PTH2R: variants seen among roughly 807,000 people sequenced by gnomAD.
PTH2R encodes parathyroid hormone 2 receptor.
In PTH2R, 59 loss-of-function variants were observed where a neutral mutation model predicts 60.3. The observed-to-expected ratio is 0.98, with a 90% confidence interval of 0.79 to 1.22. PTH2R has a LOEUF of 1.22. Ranked by LOEUF, PTH2R falls within the 50% of genes most tolerant of loss-of-function variation. The pLI is 0.00. For missense variants in PTH2R, 749 were observed against 682.6 expected (o/e 1.10, Z -1.08); for synonymous variants, 256 against 243.8 (o/e 1.05, Z -0.47).
At chr2:208,390,055 C>T (rs530387742) in intron 1 of PTH2R, among the ~76,000 whole-genome samples, 2 of 152,222 alleles carry the variant, frequency 1.3e-5, no homozygotes, top group South Asian at 2.1e-4. Flanking sequence ...CCAGGAGAGG[C>T]GATTCTGAAA....
At chr2:208,457,248 T>C (rs923391473) in intron 8 of PTH2R, among the ~76,000 whole-genome samples, 7 of 152,254 alleles carry the variant, frequency 4.6e-5, no homozygotes, top group Non-Finnish European at 8.8e-5. Flanking sequence ...CATAACTCAG[T>C]AACATTGTCT....
At chr2:208,482,467 T>C (rs1433800773) in intron 10 of PTH2R, among the ~76,000 whole-genome samples, 2 of 151,914 alleles carry the variant, frequency 1.3e-5, no homozygotes, top group African/African-American at 2.4e-5. Flanking sequence ...GATGGTCACA[T>C]GGGGATGAAG....
At chr2:208,388,139 C>CCCG (rs1553541026) in intron 1 of PTH2R, among the ~76,000 whole-genome samples, 6 of 149,444 alleles carry the variant, frequency 4.0e-5, no homozygotes, top group South Asian at 2.2e-4. Flanking sequence ...GAAACCCCCC[C>CCCG]CCCCGTCTCT....
At chr2:208,397,413 C>A (rs1275357435) in intron 1 of PTH2R, among the ~76,000 whole-genome samples, 1 of 152,158 alleles carries the variant, frequency 6.6e-6, no homozygotes, top group African/African-American at 2.4e-5. Context: ...CTGGCCAATG[C>A]ACCAAAATCA....
At chr2:208,362,627 G>A (rs1323943700) in intron 1 of PTH2R, among the ~76,000 whole-genome samples, 2 of 152,192 alleles carry the variant, frequency 1.3e-5, no homozygotes, top group Non-Finnish European at 2.9e-5. Flanking sequence ...TAATGCCGCT[G>A]TAACCATGGG....
rs144201120 is a variant in PTH2R at position 208,449,633 on chromosome 2, T to C, written c.854-1116T>C. 2.6e-4 allele frequency among the ~76,000 whole-genome samples: 40 copies of C among 152,230 alleles called. 1 individual carries two copies. The Middle Eastern group carries it at 0.02, about 78-fold the overall frequency. The stretch of plus-strand genomic sequence containing the variant: ...AGAATCATAAAATTCAGTAGTGATA[T>C]AGGCAGGCTGAACTTAAGTTAGATG... On this transcript the variant is annotated intron_variant, in intron 7 of 12. Coordinates refer to ENST00000272847, the MANE Select transcript of PTH2R (RefSeq NM_005048.4).
At chr2:208,395,780 T>C (rs564788038) in intron 1 of PTH2R, among the ~76,000 whole-genome samples, 3 of 152,156 alleles carry the variant, frequency 2.0e-5, no homozygotes, top group Non-Finnish European at 2.9e-5. Context: ...AAGCTACCAA[T>C]GACTTTCTTC....
intron 8 of PTH2R, among the ~76,000 whole-genome samples, chr2:208,452,951 T>C (rs1332294837): frequency 2.0e-5 from 3 of 152,116 alleles, no homozygotes; most frequent in Non-Finnish European, 2.9e-5. Context: ...TTGAGATAAG[T>C]GGAATTTTTA....
intron 1 of PTH2R, among the ~76,000 whole-genome samples, chr2:208,380,307 C>G (rs892931994): frequency 6.6e-6 from 1 of 152,068 alleles, no homozygotes; most frequent in Non-Finnish European, 1.5e-5. Context: ...TCACAAGATG[C>G]TTGTATGTGA....
At chr2:208,403,339 C>T (rs1701344089), upstream of PTH2R, among the ~76,000 whole-genome samples, 1 of 152,052 alleles carries the variant, frequency 6.6e-6, no homozygotes, top group Non-Finnish European at 1.5e-5. Context: ...ATACTAAAAT[C>T]CTATGGGATT....
chr2:208,455,160 G>A (rs1702485431), intron 8 of PTH2R, among the ~76,000 whole-genome samples: 1 of 152,184 alleles, frequency 6.6e-6, no homozygotes, highest in Non-Finnish European at 1.5e-5. Flanking sequence ...TACACACAGT[G>A]AGATTGCAAA....
chr2:208,480,946 C>T (rs1028641601), intron 9 of PTH2R, 124 bp from the exon 10 acceptor site: 1 of 651,726 alleles, frequency 1.5e-6, no homozygotes, highest in Non-Finnish European at 2.7e-6. Flanking sequence ...TCAGGTTCCC[C>T]TGTTCACATT....
intron 1 of PTH2R, among the ~76,000 whole-genome samples, chr2:208,368,248 G>A (rs537812991): frequency 6.6e-6 from 1 of 152,244 alleles, no homozygotes; most frequent in African/African-American, 2.4e-5. Context: ...TGAAAATGAT[G>A]GGATTGTTGT....
chr2:208,399,196 T>G (rs1701263858), intron 1 of PTH2R, among the ~76,000 whole-genome samples: 1 of 152,188 alleles, frequency 6.6e-6, no homozygotes, highest in Admixed American at 6.5e-5. Context: ...TACTCTCCAT[T>G]ATCTTTCCAT....
At chr2:208,474,431 G>T (rs1431934367) in intron 9 of PTH2R, among the ~76,000 whole-genome samples, 2 of 152,090 alleles carry the variant, frequency 1.3e-5, no homozygotes, top group Non-Finnish European at 2.9e-5. Flanking sequence ...CTGTCTGGAG[G>T]GCTTAATAAA....
At chr2:208,453,733 C>G (rs16841233) in intron 8 of PTH2R, among the ~76,000 whole-genome samples, 1 of 152,088 alleles carries the variant, frequency 6.6e-6, no homozygotes, top group Admixed American at 6.5e-5. Context: ...TTGCAGCAGT[C>G]ATTCTCAGCC....
exon 1 of PTH2R, chr2:208,359,976 C>CG: frequency 7.2e-6 from 2 of 279,250 alleles, no homozygotes; most frequent in Non-Finnish European, 7.3e-6. Context: ...GCGGGAGGAG[C>CG]GGATGGGGCT....
intron 5 of PTH2R, 75 bp downstream of exon 5, chr2:208,442,536 C>T (rs79160546): frequency 8.8e-7 from 1 of 1,136,472 alleles, no homozygotes; most frequent in Middle Eastern, 2.0e-4. Context: ...AGCGGTCTCA[C>T]AATATTTTCC....
chr2:208,466,371 C>G (rs1044518193), intron 9 of PTH2R: 2 of 152,394 alleles, frequency 1.3e-5, no homozygotes, highest in Admixed American at 6.5e-5. Flanking sequence ...TGCAAAGCAC[C>G]AGCAGCTGTG....
Sources: gnomAD v4.1 joint callset for allele counts (sites outside exome capture counted in the v4.1 genomes callset) on GRCh38, gnomAD v4.1.1 for gene constraint, MANE v1.5 for transcripts, NCBI Gene and HGNC (gene_info 2026-07-23, HGNC 2026-07-21) for gene names.